Variants in ARHGAP6 observed in about 807,000 individuals in gnomAD.
The protein encoded by ARHGAP6 is rho GTPase-activating protein 6.
Under a neutral mutation model 55.7 loss-of-function variants are expected in ARHGAP6, and 16 were observed. The observed-to-expected ratio is 0.29, with a 90% CI of 0.19 to 0.44. The LOEUF is 0.44. Ranked by LOEUF, ARHGAP6 falls within the 20% of genes least tolerant of loss-of-function variation. ARHGAP6 has a pLI of 1.00. For synonymous variants in ARHGAP6, 382 were observed against 360.9 expected, an observed-to-expected ratio of 1.06 and a Z score of -0.66; for missense variants, 698 against 808.9, an observed-to-expected ratio of 0.86 and a Z score of 1.66.
intron 10 of ARHGAP6, among the ~76,000 whole-genome samples, chrX:11,149,281 A>C (rs1012517179): frequency 3.6e-5 from 4 of 112,273 alleles, no homozygotes; most frequent in Non-Finnish European, 7.5e-5. Context: ...GCTGTGAATC[A>C]TAGTGAAGGT....
intron 1 of ARHGAP6, among the ~76,000 whole-genome samples, chrX:11,491,803 G>C (rs769067171): frequency 9.1e-6 from 1 of 109,782 alleles, no homozygotes; most frequent in Non-Finnish European, 1.9e-5. Context: ...ACTTCCACAA[G>C]GGTTGAACTA....
chrX:11,268,101 C>A lies in ARHGAP6; in HGVS notation c.589-13394G>T, dbSNP rs57285511. 3.2e-3 allele frequency among the ~76,000 whole-genome samples: 364 copies of A among 112,165 alleles called. 1 individual carries two copies. Among genetic ancestry groups the A allele is most frequent in the African/African-American group, 0.011 (345 of 30,941 alleles). On this transcript the variant is annotated intron_variant, in intron 1 of 12. Coordinates refer to ENST00000337414, the MANE Select transcript of ARHGAP6 (RefSeq NM_013427.3). ...CTAAGAATCTATGCCATTAAGCATT[C>A]ATTCCACCTTCTTCTTGGCTCTTAT...
intron 1 of ARHGAP6, among the ~76,000 whole-genome samples, chrX:11,594,152 C>T (rs960011782): frequency 1.8e-5 from 2 of 111,201 alleles, no homozygotes; most frequent in Non-Finnish European, 3.8e-5. Flanking sequence ...CTCTCAGCCC[C>T]ACCCTACTCT....
intron 2 of ARHGAP6, among the ~76,000 whole-genome samples, chrX:11,241,573 TGC>T (rs1555975293): frequency 4.1e-5 from 4 of 97,414 alleles, no homozygotes; most frequent in East Asian, 6.3e-4. Context: ...TGTGTGTGTG[TGC>T]GCGTGTGTCA....
chrX:11,152,076 A>C (rs1386269739), intron 10 of ARHGAP6, among the ~76,000 whole-genome samples: 1 of 112,160 alleles, frequency 8.9e-6, no homozygotes, highest in Non-Finnish European at 1.9e-5. Context: ...CAGACTATAC[A>C]CTAAGAGCAT....
intron 1 of ARHGAP6, among the ~76,000 whole-genome samples, chrX:11,326,192 G>GATCTCGGCTC (rs1447400703): frequency 9.5e-6 from 1 of 105,653 alleles, no homozygotes; most frequent in Admixed American, 1.0e-4. Flanking sequence ...GCAATGGCAT[G>GATCTCGGCTC]ATCTCGGCTC....
chrX:11,254,186 T>C (rs1028297773), intron 2 of ARHGAP6, among the ~76,000 whole-genome samples: 4 of 112,025 alleles, frequency 3.6e-5, no homozygotes, highest in Non-Finnish European at 7.5e-5. Context: ...TCTTTTCAAA[T>C]GGGTTATTTT....
intron 1 of ARHGAP6, among the ~76,000 whole-genome samples, chrX:11,594,610 C>A (rs5979425): frequency 0.17 from 18,919 of 109,888 alleles, 1,346 homozygotes; most frequent in Middle Eastern, 0.24. Flanking sequence ...GGACCATGGA[C>A]TCTTGTGAAC....
intron 1 of ARHGAP6, among the ~76,000 whole-genome samples, chrX:11,308,374 A>G (rs1340594941): frequency 8.9e-6 from 1 of 112,109 alleles, no homozygotes; most frequent in Admixed American, 9.5e-5. Flanking sequence ...ATTAAAAAAA[A>G]TAAAATTTGC....
chrX:11,425,479 GC>G (rs1255133716), intron 1 of ARHGAP6, among the ~76,000 whole-genome samples: 2 of 112,231 alleles, frequency 1.8e-5, no homozygotes, highest in East Asian at 5.6e-4. Flanking sequence ...CAGAGCTGCT[GC>G]TTTCTCATCC....
chrX:11,289,307 G>A (rs2047958048), intron 1 of ARHGAP6, among the ~76,000 whole-genome samples: 1 of 111,203 alleles, frequency 9.0e-6, no homozygotes, highest in Non-Finnish European at 1.9e-5. Flanking sequence ...TATGCAAGTA[G>A]CACTATCACT....
At chrX:11,447,920 T>C (rs773070599) in intron 1 of ARHGAP6, among the ~76,000 whole-genome samples, 15 of 112,274 alleles carry the variant, frequency 1.3e-4, no homozygotes, top group Non-Finnish European at 2.6e-4. Flanking sequence ...TGTTTTAAAA[T>C]AACAGATATA....
intron 1 of ARHGAP6, chrX:11,335,238 ATATTTT>A (rs200175752): frequency 0.05 from 6,922 of 139,632 alleles, 181 homozygotes; most frequent in Non-Finnish European, 0.075. Context: ...TTTTTTTATT[ATATTTT>A]AAGTTCTGGG....
At chrX:11,565,524 C>A (rs897773483) in intron 1 of ARHGAP6, among the ~76,000 whole-genome samples, 1 of 112,311 alleles carries the variant, frequency 8.9e-6, no homozygotes, top group African/African-American at 3.2e-5. Context: ...CTAAGAGAAG[C>A]CAAAGTCCAA....
chrX:11,294,665 C>T lies in ARHGAP6; in HGVS notation c.589-39958G>A, dbSNP rs936688162. 14 of 804,046 alleles carry T rather than the reference C, an allele frequency of 1.7e-5. No homozygotes were observed. In the African/African-American group the frequency reaches 2.0e-4, roughly 12 times the overall value. 66.3% of individuals were successfully genotyped at this position (804,046 alleles called of 1,213,427 possible). A position where few individuals can be genotyped will look rare whatever the true frequency, so the allele number is the denominator to read the frequency against. On this transcript the variant is annotated intron_variant, in intron 1 of 12. Transcript: ENST00000337414. ...TGAAGTAAATTCACAAACAATGGCT[C>T]CATCCTTCTTACTAGCAATAGACTA...
Position 11,361,135 on chromosome X carries a change from C to A in ARHGAP6, c.589-106428G>T, listed in dbSNP as rs371626451. The stretch of plus-strand genomic sequence containing the variant: ...ATCAAGCTACCAATGACTTTCTTCA[C>A]AGAATTGGAAAAAACTACTTTAAAG... On this transcript the variant is annotated intron_variant, in intron 1 of 12. Coordinates refer to ENST00000337414, the MANE Select transcript of ARHGAP6 (RefSeq NM_013427.3). 2.0e-3 allele frequency among the ~76,000 whole-genome samples: 218 copies of A among 108,502 alleles called. 6 individuals carry two copies. In the East Asian group the frequency reaches 0.048, roughly 24 times the overall value. 94.2% of individuals were successfully genotyped at this position (108,502 alleles called of 115,157 possible). A position where few individuals can be genotyped will look rare whatever the true frequency, so the allele number is the denominator to read the frequency against.
At chrX:11,308,450 T>C (rs1035692640) in intron 1 of ARHGAP6, among the ~76,000 whole-genome samples, 5 of 111,979 alleles carry the variant, frequency 4.5e-5, no homozygotes, top group African/African-American at 1.6e-4. Flanking sequence ...CCATCTGTCT[T>C]TGCTGCATGG....
At chrX:11,458,156 C>T (rs2068719922) in intron 1 of ARHGAP6, among the ~76,000 whole-genome samples, 1 of 112,183 alleles carries the variant, frequency 8.9e-6, no homozygotes, top group African/African-American at 3.2e-5. Context: ...TATGATGGTC[C>T]AAATCTTCAT....
chrX:11,177,025 T>C (rs1298570340), intron 8 of ARHGAP6, among the ~76,000 whole-genome samples: 1 of 112,165 alleles, frequency 8.9e-6, no homozygotes, highest in Non-Finnish European at 1.9e-5. Context: ...GAAGCTGCAG[T>C]GCAGCTGAGC....
Sources: allele counts gnomAD v4.1 joint callset (sites outside exome capture counted in the v4.1 genomes callset), GRCh38; gene constraint gnomAD v4.1.1; transcripts MANE v1.5; gene names NCBI Gene and HGNC (gene_info 2026-07-23, HGNC 2026-07-21).